TEX101: variants seen among roughly 807,000 people sequenced by gnomAD.
TEX101 encodes the protein testis-expressed protein 101.
A neutral mutation model predicts 18.1 loss-of-function variants in TEX101; 10 were observed. The ratio of observed to expected loss-of-function variants is 0.55; its 90% CI spans 0.34 to 0.94. The LOEUF (loss-of-function observed/expected upper bound fraction) is 0.94, where lower values mean the gene tolerates loss of function less well. TEX101 is among the 40% of genes least tolerant of loss of function. The pLI is 0.02. For synonymous variants in TEX101, 94 were observed against 114.8 expected, an observed-to-expected ratio of 0.82 and a Z score of 1.16; for missense variants, 259 against 298.9, an observed-to-expected ratio of 0.87 and a Z score of 0.98.
the TEX101 span, among the ~76,000 whole-genome samples, chr19:43,395,720 G>A: frequency 1.3e-5 from 2 of 152,214 alleles, no homozygotes; most frequent in African/African-American, 4.8e-5. Flanking sequence ...TTCCCTGTAG[G>A]TTCCTGTTAG....
chr19:43,414,265 G>A (rs1426194562), upstream of TEX101, among the ~76,000 whole-genome samples: 4 of 152,178 alleles, frequency 2.6e-5, no homozygotes, highest in Non-Finnish European at 1.5e-5. Flanking sequence ...GCGTGGGTTC[G>A]ATCTGACAGC....
chr19:43,398,242 TATATA>T (rs1291055197), upstream of TEX101, among the ~76,000 whole-genome samples: 2 of 113,446 alleles, frequency 1.8e-5, no homozygotes, highest in African/African-American at 6.6e-5. Flanking sequence ...ATATATAAAA[TATATA>T]ATATATATAA....
chr19:43,407,757 G>T (rs1970380926), intron 3 of TEX101, among the ~76,000 whole-genome samples: 1 of 152,246 alleles, frequency 6.6e-6, no homozygotes, highest in Non-Finnish European at 1.5e-5. Flanking sequence ...TGAAGCCTCG[G>T]CTGGCCTGGG....
the TEX101 span, among the ~76,000 whole-genome samples, chr19:43,390,240 A>G: frequency 5.4e-4 from 82 of 152,220 alleles, no homozygotes; most frequent in African/African-American, 1.9e-3. Flanking sequence ...GTGTGCAGGC[A>G]TGAAGAGCCT....
exon 3 of TEX101, chr19:43,406,478 G>A (rs1330311046): frequency 1.3e-6 from 1 of 767,976 alleles, no homozygotes; most frequent in East Asian, 2.5e-5. Context: ...ATCGGTGGGC[G>A]GTCCCGCCTC....
At chr19:43,392,423 G>A in the TEX101 span, among the ~76,000 whole-genome samples, 15 of 152,166 alleles carry the variant, frequency 9.9e-5, no homozygotes, top group African/African-American at 3.1e-4. Flanking sequence ...AAAAATTAAG[G>A]GGTCACTTGC....
chr19:43,417,975 A>G lies in TEX101; in HGVS notation c.489A>G (p.Arg163=). 1 of 1,614,126 alleles carries G rather than the reference A, an allele frequency of 6.2e-7. No individual in the cohort carries two copies. The highest frequency in any genetic ancestry group is 8.5e-7 in the Non-Finnish European group (1 of 1,180,026). The change falls in exon 5 of 6, where the codon CGA becomes CGG. Residue 163 remains arginine, a synonymous_variant. Transcript: ENST00000598265. The stretch of plus-strand genomic sequence containing the variant: ...TTCCCTGTCCCAATGGTACAACTCG[A>G]TGCTATCAAGGAAAACTTGAGATCA... ...PSLPCPNGTT[R]CYQGKLEITG... is the part of the protein sequence containing the mutation.
At chr19:43,408,271 G>A (rs1970388068) in intron 3 of TEX101, among the ~76,000 whole-genome samples, 2 of 152,202 alleles carry the variant, frequency 1.3e-5, no homozygotes, top group South Asian at 2.1e-4. Context: ...TGGGAGCCAG[G>A]TCTTCTCCTC....
At chr19:43,391,864 G>C in the TEX101 span, among the ~76,000 whole-genome samples, 1 of 152,188 alleles carries the variant, frequency 6.6e-6, no homozygotes, top group African/African-American at 2.4e-5. Flanking sequence ...TGAGTGCATT[G>C]GTGAGAGGAT....
At chr19:43,390,583 T>TG in the TEX101 span, among the ~76,000 whole-genome samples, 11 of 144,512 alleles carry the variant, frequency 7.6e-5, no homozygotes, top group African/African-American at 2.8e-4. Flanking sequence ...TTCTCCTGCC[T>TG]CAGCCTCCTG....
upstream of TEX101, among the ~76,000 whole-genome samples, chr19:43,396,711 A>G (rs888044584): frequency 5.9e-5 from 9 of 152,024 alleles, no homozygotes; most frequent in Non-Finnish European, 8.8e-5. Context: ...CAGAAGCTGC[A>G]TTAGTTATCC....
upstream of TEX101, among the ~76,000 whole-genome samples, chr19:43,413,200 G>GT (rs746673454): frequency 2.6e-5 from 4 of 152,162 alleles, no homozygotes; most frequent in Non-Finnish European, 5.9e-5. Flanking sequence ...CCTCGAAGTT[G>GT]TAAGCCTTTA....
At chr19:43,393,486 G>A in the TEX101 span, among the ~76,000 whole-genome samples, 1 of 152,108 alleles carries the variant, frequency 6.6e-6, no homozygotes, top group Admixed American at 6.5e-5. Context: ...GAGAGGGCTG[G>A]GCTGGCTGTT....
the TEX101 span, among the ~76,000 whole-genome samples, chr19:43,395,173 C>G: frequency 1.3e-5 from 2 of 152,138 alleles, no homozygotes; most frequent in African/African-American, 4.8e-5. Context: ...TTAGTGAGGT[C>G]TGTCTATGCA....
chr19:43,390,871 A>T, the TEX101 span, among the ~76,000 whole-genome samples: 2 of 151,420 alleles, frequency 1.3e-5, no homozygotes, highest in Non-Finnish European at 2.9e-5. Flanking sequence ...ATATTCCCCA[A>T]CTGGAATTCT....
upstream of TEX101, among the ~76,000 whole-genome samples, chr19:43,396,827 T>C (rs1030093814): frequency 1.4e-4 from 5 of 34,848 alleles, no homozygotes; most frequent in African/African-American, 5.0e-4. Context: ...GTTTTCAGCA[T>C]TTTTTTTTTT....
intron 3 of TEX101, among the ~76,000 whole-genome samples, chr19:43,408,178 C>T (rs1970386797): frequency 6.6e-6 from 1 of 152,256 alleles, no homozygotes; most frequent in Non-Finnish European, 1.5e-5. Flanking sequence ...CCCGCCCCGC[C>T]CTCTGGGCTT....
At chr19:43,404,033 T>C (rs1251162641) in intron 2 of TEX101, among the ~76,000 whole-genome samples, 12 of 142,212 alleles carry the variant, frequency 8.4e-5, no homozygotes, top group Non-Finnish European at 1.8e-4. Flanking sequence ...AGTGAGACTC[T>C]GGCTCAAAAA....
chr19:43,396,299 A>G, the TEX101 span, among the ~76,000 whole-genome samples: 1 of 152,228 alleles, frequency 6.6e-6, no homozygotes, highest in Admixed American at 6.5e-5. Context: ...GCTATTCCTC[A>G]TTGCGCTTCC....
Sources: gnomAD v4.1 joint callset for allele counts (sites outside exome capture counted in the v4.1 genomes callset) on GRCh38, gnomAD v4.1.1 for gene constraint, MANE v1.5 for transcripts, NCBI Gene and HGNC (gene_info 2026-07-23, HGNC 2026-07-21) for gene names.